Variants in EXOC6B observed in about 807,000 individuals in gnomAD.
EXOC6B encodes the protein SEC15 homolog B.
Under a neutral mutation model 113.5 loss-of-function variants are expected in EXOC6B, and 54 were observed. The ratio of observed to expected loss-of-function variants is 0.48; its 90% confidence interval spans 0.38 to 0.60. The LOEUF (loss-of-function observed/expected upper bound fraction) is 0.60. Ranked by LOEUF, EXOC6B falls within the 20% of genes least tolerant of loss-of-function variation. The pLI is 0.00. For synonymous variants in EXOC6B, 357 were observed against 339.0 expected (o/e 1.05, Z -0.58); for missense variants, 797 against 977.5 (o/e 0.82, Z 2.46).
chr2:72,299,277 G>T (rs981740744), intron 20 of EXOC6B, among the ~76,000 whole-genome samples: 1 of 150,598 alleles, frequency 6.6e-6, no homozygotes, highest in Non-Finnish European at 1.5e-5. Context: ...TGATCAATTC[G>T]GCTATTGATA....
chr2:72,284,655 C>T (rs2104684506), intron 20 of EXOC6B, among the ~76,000 whole-genome samples: 1 of 151,934 alleles, frequency 6.6e-6, no homozygotes, highest in South Asian at 2.1e-4. Context: ...AAATAAAAGG[C>T]ATACTAATTG....
At chr2:72,210,932 G>T (rs1264876048) in intron 20 of EXOC6B, among the ~76,000 whole-genome samples, 1 of 152,180 alleles carries the variant, frequency 6.6e-6, no homozygotes, top group Non-Finnish European at 1.5e-5. Flanking sequence ...TCTTCAAAAT[G>T]TTTTTGCTTG....
Position 72,423,754 on chromosome 2 carries a change from C to A in EXOC6B, c.1980+41406G>T, listed in dbSNP as rs550797866. 3.3e-5 allele frequency among the ~76,000 whole-genome samples: 5 copies of A among 152,206 alleles called. No individual in the cohort carries two copies. The South Asian group carries it at 1.0e-3, about 32-fold the overall frequency. On this transcript the variant is annotated intron_variant, in intron 18 of 21. Coordinates refer to ENST00000272427, the MANE Select transcript of EXOC6B (RefSeq NM_015189.3). ...GTGCATGCACATACATACACGTGCA[C>A]ACATACATACACACATGCACACACA...
At chr2:72,462,589 C>A (rs1697763609) in intron 18 of EXOC6B, 1 of 151,982 alleles carries the variant, frequency 6.6e-6, no homozygotes, top group African/African-American at 2.4e-5. Context: ...TTTGCCTTCT[C>A]TGCCACGTAA....
rs551921978 is a variant in EXOC6B, at chr2:72,746,133, A to G, written c.114-4664T>C. On this transcript the variant is annotated intron_variant, in intron 1 of 21. Coordinates refer to ENST00000272427, the MANE Select transcript of EXOC6B (RefSeq NM_015189.3). ...CTCTAATGTTTAAATTTCCATTACT[A>G]TTAGAAAGCAGGATCTTGAGAACAA... Among the ~76,000 whole-genome samples, 7 of 152,196 alleles carry G rather than the reference A, an allele frequency of 4.6e-5. No homozygotes were observed. In the East Asian group the frequency reaches 7.7e-4, roughly 17 times the overall value.
intron 20 of EXOC6B, among the ~76,000 whole-genome samples, chr2:72,316,713 G>C (rs1265092182): frequency 6.6e-6 from 1 of 152,150 alleles, no homozygotes; most frequent in Non-Finnish European, 1.5e-5. Context: ...ATAAAACAGG[G>C]TTCCTGCCCT....
At chr2:72,419,784 T>TAG (rs1293835709) in intron 18 of EXOC6B, among the ~76,000 whole-genome samples, 2 of 152,212 alleles carry the variant, frequency 1.3e-5, no homozygotes, top group African/African-American at 4.8e-5. Flanking sequence ...TGGTCTCTTT[T>TAG]AGTTCATCCA....
At chr2:72,252,275 T>G (rs1683070672) in intron 20 of EXOC6B, among the ~76,000 whole-genome samples, 1 of 145,442 alleles carries the variant, frequency 6.9e-6, no homozygotes, top group Admixed American at 6.6e-5. Context: ...CTATTGCCTA[T>G]GTAAACATTC....
chr2:72,511,123 T>C (rs1163897141), intron 11 of EXOC6B, among the ~76,000 whole-genome samples: 1 of 152,158 alleles, frequency 6.6e-6, no homozygotes, highest in Non-Finnish European at 1.5e-5. Context: ...TTAAAAGTTC[T>C]GTATACTATA....
At chr2:72,223,888 T>C (rs1010926618) in intron 20 of EXOC6B, among the ~76,000 whole-genome samples, 1 of 152,170 alleles carries the variant, frequency 6.6e-6, no homozygotes, top group Non-Finnish European at 1.5e-5. Flanking sequence ...TCCCAGCTAG[T>C]TGGTGAACTT....
intron 2 of EXOC6B, among the ~76,000 whole-genome samples, chr2:72,737,763 A>G (rs1191805045): frequency 6.6e-6 from 1 of 152,054 alleles, no homozygotes; most frequent in Non-Finnish European, 1.5e-5. Context: ...GAGGAAGGAT[A>G]ATCGCTTGAA....
At chr2:72,485,972 A>T (rs1263468939) in intron 16 of EXOC6B, among the ~76,000 whole-genome samples, 1 of 152,308 alleles carries the variant, frequency 6.6e-6, no homozygotes, top group East Asian at 1.9e-4. Context: ...CATAAATACT[A>T]CTGTAAATTA....
At chr2:72,522,306 G>A (rs1366345607) in intron 8 of EXOC6B, among the ~76,000 whole-genome samples, 9 of 152,110 alleles carry the variant, frequency 5.9e-5, no homozygotes, top group Middle Eastern at 3.4e-3. Context: ...GGGGAAGGGC[G>A]CAAATGGTCA....
intron 6 of EXOC6B, among the ~76,000 whole-genome samples, chr2:72,687,616 C>T (rs1483701419): frequency 2.0e-5 from 3 of 152,054 alleles, no homozygotes; most frequent in African/African-American, 7.2e-5. Context: ...GATTATAACA[C>T]ATTGGTAACA....
At chr2:72,662,758 T>G (rs1675113375) in intron 6 of EXOC6B, among the ~76,000 whole-genome samples, 2 of 152,094 alleles carry the variant, frequency 1.3e-5, no homozygotes, top group Admixed American at 1.3e-4. Flanking sequence ...TTTTTTTTTT[T>G]GAGACGGAGT....
At chr2:72,754,616 CTTTTTTTTT>C (rs780607610) in intron 1 of EXOC6B, among the ~76,000 whole-genome samples, 1 of 135,280 alleles carries the variant, frequency 7.4e-6, no homozygotes, top group Non-Finnish European at 1.6e-5. Context: ...TTTTTTTTTT[CTTTTTTTTT>C]TTTTAGAGAC....
At chr2:72,693,248 T>C (rs963939149) in intron 6 of EXOC6B, among the ~76,000 whole-genome samples, 2 of 150,954 alleles carry the variant, frequency 1.3e-5, no homozygotes, top group African/African-American at 4.9e-5. Context: ...TGGTCTCACC[T>C]GGAAAACTAG....
intron 6 of EXOC6B, among the ~76,000 whole-genome samples, chr2:72,706,577 G>A (rs1678895223): frequency 6.6e-6 from 1 of 152,084 alleles, no homozygotes; most frequent in Non-Finnish European, 1.5e-5. Context: ...GTCTCACTAT[G>A]TTGTCCAGGC....
chr2:72,602,334 T>C lies in EXOC6B; in HGVS notation c.670-26666A>G, dbSNP rs74493787. ...TGAATATAATTCTCAGTAGCCATAA[T>C]GTTTTTCTTGTTATGGATTTTATGC... On this transcript the variant is annotated intron_variant, in intron 6 of 21. Transcript: ENST00000272427. Among the ~76,000 whole-genome samples, 190 of 152,358 alleles carry C rather than the reference T, an allele frequency of 1.2e-3. 1 individual carries two copies. The Middle Eastern group carries it at 0.014, about 11-fold the overall frequency.
Sources: allele counts gnomAD v4.1 joint callset (sites outside exome capture counted in the v4.1 genomes callset), GRCh38; gene constraint gnomAD v4.1.1; transcripts MANE v1.5; gene names NCBI Gene and HGNC (gene_info 2026-07-23, HGNC 2026-07-21).